Variants in PIGL observed in about 807,000 individuals in gnomAD.
PIGL encodes phosphatidylinositol glycan anchor biosynthesis class L, also known as N-acetylglucosaminyl-phosphatidylinositol de-N-acetylase.
A neutral mutation model predicts 31.1 loss-of-function variants in PIGL; 22 were observed. The observed-to-expected ratio is 0.71, with a 90% CI of 0.51 to 1.01. The LOEUF is 1.01. PIGL is among the 50% of genes least tolerant of loss of function. The pLI, the probability that PIGL is intolerant of heterozygous loss-of-function variation, is 0.00. For synonymous variants in PIGL, 131 were observed against 117.4 expected, an observed-to-expected ratio of 1.12 and a Z score of -0.75; for missense variants, 302 against 315.9, an observed-to-expected ratio of 0.96 and a Z score of 0.33.
intron 2 of PIGL, among the ~76,000 whole-genome samples, chr17:16,269,744 T>C (rs1264324888): frequency 7.0e-6 from 1 of 142,302 alleles, no homozygotes; most frequent in African/African-American, 2.5e-5. Context: ...ATGGGGTGGG[T>C]GATTAAGAAC....
At position 16,261,548 on chromosome 17, in the gene PIGL, T is replaced by C. The variant is rs117239750; in HGVS notation, c.335+27478T>C. ...ATCAGGGATTGATATTCAGAATATA[T>C]AAAGAAGTCTTACAACAAAAAGACA... is the stretch of plus-strand genomic sequence containing the variant. On this transcript the variant is annotated intron_variant, in intron 2 of 6. Coordinates refer to ENST00000225609, the MANE Select transcript of PIGL (RefSeq NM_004278.4). 3.1e-3 allele frequency among the ~76,000 whole-genome samples: 469 copies of C among 152,144 alleles called. 2 individuals carry two copies. The highest frequency in any genetic ancestry group is 5.6e-3 in the Non-Finnish European group (378 of 67,994).
At chr17:16,282,363 A>G (rs548796423) in intron 2 of PIGL, among the ~76,000 whole-genome samples, 12 of 152,278 alleles carry the variant, frequency 7.9e-5, no homozygotes, top group Admixed American at 3.3e-4. Flanking sequence ...AAGTTATAGG[A>G]GAGAGATAGC....
intron 2 of PIGL, among the ~76,000 whole-genome samples, chr17:16,287,490 A>G (rs143081806): frequency 2.9e-4 from 44 of 152,316 alleles, no homozygotes; most frequent in African/African-American, 9.9e-4. Context: ...CCAATAAAGT[A>G]CACACTAAGC....
chr17:16,318,901 A>C (rs1023816444), intron 6 of PIGL, among the ~76,000 whole-genome samples: 2 of 151,744 alleles, frequency 1.3e-5, no homozygotes, highest in African/African-American at 4.8e-5. Context: ...ACTGTACTCC[A>C]GCCTGGGTGA....
At chr17:16,261,041 C>T (rs2092817100) in intron 2 of PIGL, among the ~76,000 whole-genome samples, 1 of 151,298 alleles carries the variant, frequency 6.6e-6, no homozygotes, top group Non-Finnish European at 1.5e-5. Context: ...ATTGCTTGAA[C>T]CCAGGAGGCA....
chr17:16,259,313 C>T (rs955021205), intron 2 of PIGL, among the ~76,000 whole-genome samples: 1 of 151,466 alleles, frequency 6.6e-6, no homozygotes, highest in Non-Finnish European at 1.5e-5. Context: ...ACATTCTACC[C>T]TCACATATAG....
chr17:16,320,517 GAAAGA>G (rs1472679319), intron 6 of PIGL, among the ~76,000 whole-genome samples: 3 of 135,832 alleles, frequency 2.2e-5, no homozygotes, highest in Non-Finnish European at 4.6e-5. Context: ...GAGAGAGAGA[GAAAGA>G]AAAGAAAAGA....
At chr17:16,231,854 T>C (rs1448578149) in intron 1 of PIGL, among the ~76,000 whole-genome samples, 1 of 152,232 alleles carries the variant, frequency 6.6e-6, no homozygotes, top group Non-Finnish European at 1.5e-5. Flanking sequence ...AACTCTTTGG[T>C]CACATTTTCC....
At chr17:16,258,606 C>G (rs1301930602) in intron 2 of PIGL, among the ~76,000 whole-genome samples, 1 of 152,048 alleles carries the variant, frequency 6.6e-6, no homozygotes, top group African/African-American at 2.4e-5. Flanking sequence ...CGGGCCCAAG[C>G]GATTCTCCTG....
chr17:16,308,281 G>A (rs1465675885), intron 3 of PIGL, among the ~76,000 whole-genome samples: 1 of 151,992 alleles, frequency 6.6e-6, no homozygotes, highest in Non-Finnish European at 1.5e-5. Context: ...GCGGTGAGCC[G>A]AGATTGTGCC....
At chr17:16,296,138 T>C (rs1161158964) in intron 2 of PIGL, among the ~76,000 whole-genome samples, 1 of 152,188 alleles carries the variant, frequency 6.6e-6, no homozygotes, top group African/African-American at 2.4e-5. Context: ...ATATGATGCC[T>C]TATAAAATAG....
Position 16,302,759 on chromosome 17 carries a change from C to T in PIGL, c.426+2781C>T, listed in dbSNP as rs566398562. On this transcript the variant is annotated intron_variant, in intron 3 of 6. Transcript: ENST00000225609. ...GGACTACAGGTGCGCGCCACCACGC[C>T]CAGATAATTTTTGTATTTCTGGTAG... Among the ~76,000 whole-genome samples, 7 of 149,492 alleles carry T rather than the reference C, an allele frequency of 4.7e-5. No homozygotes were observed. In the East Asian group the frequency reaches 1.4e-3, roughly 30 times the overall value.
At chr17:16,289,386 A>G (rs867247391) in intron 2 of PIGL, among the ~76,000 whole-genome samples, 8 of 152,256 alleles carry the variant, frequency 5.3e-5, no homozygotes, top group Middle Eastern at 3.4e-3. Flanking sequence ...ATCTCATCCA[A>G]CTCCATTCTT....
intron 1 of PIGL, among the ~76,000 whole-genome samples, chr17:16,219,065 A>ATTTTTTTTTTTTT (rs766541353): frequency 2.4e-5 from 2 of 81,640 alleles, no homozygotes; most frequent in African/African-American, 4.2e-5. Context: ...TTTTTTATAA[A>ATTTTTTTTTTTTT]TTTTTTTTTT....
chr17:16,240,738 C>T (rs1371945946), intron 2 of PIGL, among the ~76,000 whole-genome samples: 1 of 151,872 alleles, frequency 6.6e-6, no homozygotes, highest in Non-Finnish European at 1.5e-5. Context: ...TGGACTCAAG[C>T]AGTCTCCCAC....
At chr17:16,295,582 G>A (rs540579804) in intron 2 of PIGL, among the ~76,000 whole-genome samples, 28 of 152,088 alleles carry the variant, frequency 1.8e-4, no homozygotes, top group African/African-American at 6.5e-4. Context: ...GGAAGTCAAG[G>A]CTCCAGTGAG....
chr17:16,272,529 A>G (rs2092877169), intron 2 of PIGL, among the ~76,000 whole-genome samples: 1 of 152,200 alleles, frequency 6.6e-6, no homozygotes. Context: ...CTCTTCCTTC[A>G]TAACCAAGTA....
In PIGL at chr17:16,217,358, G is replaced by A; in HGVS notation, c.132G>A (p.Leu44=). 2 of 1,614,206 alleles carry A rather than the reference G, an allele frequency of 1.2e-6. No individual in the cohort carries two copies. Among genetic ancestry groups the A allele is most frequent in the Non-Finnish European group, 1.7e-6 (2 of 1,180,046 alleles). The change falls in exon 1 of 7, where the codon CTG becomes CTA. Residue 44 remains leucine, a synonymous_variant. Coordinates refer to ENST00000225609, the MANE Select transcript of PIGL (RefSeq NM_004278.4). ...GGCTGGGAGCCGAAAGCCGGACCCT[G>A]CTGGTCATAGCGCACCCTGACGATG... is the stretch of plus-strand genomic sequence containing the variant. The part of the protein sequence containing the change: ...GGRLGAESRT[L]LVIAHPDDEA...
chr17:16,274,191 T>G (rs2092884026), intron 2 of PIGL, among the ~76,000 whole-genome samples: 1 of 152,072 alleles, frequency 6.6e-6, no homozygotes, highest in East Asian at 1.9e-4. Flanking sequence ...GTGTCAGGTG[T>G]CAAGTGTGGA....
Sources: allele counts gnomAD v4.1 joint callset (sites outside exome capture counted in the v4.1 genomes callset), GRCh38; gene constraint gnomAD v4.1.1; transcripts MANE v1.5; gene names NCBI Gene and HGNC (gene_info 2026-07-23, HGNC 2026-07-21).